TOP2B: variants seen among roughly 807,000 people sequenced by gnomAD.
TOP2B encodes the protein DNA topoisomerase II beta.
A neutral mutation model predicts 193.5 loss-of-function variants in TOP2B; 51 were observed. The ratio of observed to expected loss-of-function variants is 0.26; its 90% CI spans 0.21 to 0.33. TOP2B has a LOEUF of 0.33. Among genes scored for constraint, TOP2B ranks in the 10% least tolerant of loss-of-function variants. The pLI is 1.00. For missense variants in TOP2B, 1,378 were observed against 1,909.3 expected (o/e 0.72, Z 5.19); for synonymous variants, 634 against 635.7 (o/e 1.00, Z 0.04).
chr3:25,640,602 G>A (rs1356815540), intron 4 of TOP2B, among the ~76,000 whole-genome samples: 7 of 151,980 alleles, frequency 4.6e-5, no homozygotes, highest in Admixed American at 2.6e-4. Flanking sequence ...ATTAAAAACA[G>A]AGTATAAAAT....
At chr3:25,608,785 G>A (rs1016578022) in intron 30 of TOP2B, among the ~76,000 whole-genome samples, 6 of 152,132 alleles carry the variant, frequency 3.9e-5, no homozygotes, top group African/African-American at 1.4e-4. Flanking sequence ...ATCTAAAAGA[G>A]AGCTATGTAC....
chr3:25,636,966 C>T lies in TOP2B; in HGVS notation c.639+249G>A, dbSNP rs570502003. On this transcript the variant is annotated intron_variant, in intron 6 of 35. Transcript: ENST00000264331. ...GAGGTTCAGGACATTTTCACTAATACTTAACTAAGTTAAATAAAGTCTGTT... is the reference window on the plus strand; with the variant it reads ...GAGGTTCAGGACATTTTCACTAATATTTAACTAAGTTAAATAAAGTCTGTT... 1.1e-4 allele frequency among the ~76,000 whole-genome samples: 16 copies of T among 152,024 alleles called. No individual in the cohort carries two copies. In the East Asian group the frequency reaches 2.9e-3, roughly 27 times the overall value.
At chr3:25,621,583 A>C (rs550215236) in intron 21 of TOP2B, among the ~76,000 whole-genome samples, 84 of 151,684 alleles carry the variant, frequency 5.5e-4, no homozygotes, top group African/African-American at 1.9e-3. Context: ...CTGGTCTTCA[A>C]CTCCTGAGCT....
chr3:25,623,008 C>G (rs1281696558), intron 21 of TOP2B, among the ~76,000 whole-genome samples: 1 of 152,124 alleles, frequency 6.6e-6, no homozygotes, highest in Non-Finnish European at 1.5e-5. Flanking sequence ...GAACTCCTGA[C>G]CTCAGGTGAT....
chr3:25,643,555 G>A, intron 3 of TOP2B, 139 bp downstream of exon 3: 1 of 615,496 alleles, frequency 1.6e-6, no homozygotes, highest in Non-Finnish European at 2.9e-6. Flanking sequence ...TAAATTTTCT[G>A]AAGATCATTT....
At position 25,636,113 on chromosome 3, in the gene TOP2B, G is replaced by T; in HGVS notation, c.675C>A (p.Ala225=). The part of the protein sequence containing the change: ...WMNNMMKTSE[A]KIKHFDGEDY... ...CTTCACCATCAAAATGTTTAATTTT[G>T]GCTTCAGAAGTCTTCATCATATTAT... Residue 225 remains alanine, a synonymous_variant, in exon 7 of 36, where the codon GCC becomes GCA. Transcript: ENST00000264331. The T allele has an allele frequency of 6.2e-7, 1 of 1,602,086 alleles. No individual in the cohort carries two copies. The highest frequency in any genetic ancestry group is 1.1e-5 in the South Asian group (1 of 89,700).
At chr3:25,601,643 T>C (rs1053013611) in intron 33 of TOP2B, among the ~76,000 whole-genome samples, 1 of 152,088 alleles carries the variant, frequency 6.6e-6, no homozygotes, top group African/African-American at 2.4e-5. Context: ...CCTTAAATAA[T>C]GAAATGGTTT....
At chr3:25,599,798 T>C (rs182329156) in intron 34 of TOP2B, among the ~76,000 whole-genome samples, 1 of 152,374 alleles carries the variant, frequency 6.6e-6, no homozygotes, top group East Asian at 1.9e-4. Flanking sequence ...ACATAAAACA[T>C]TTGTATTTGC....
chr3:25,616,666 C>A (rs1358398077), intron 25 of TOP2B, among the ~76,000 whole-genome samples: 1 of 151,758 alleles, frequency 6.6e-6, no homozygotes. Flanking sequence ...TTGAAAAATT[C>A]TTCATGAAAC....
rs758862510 is a variant in TOP2B, at chr3:25,628,902, G to A, written c.1851C>T (p.Asp617=). ...GGTTTTCTATATGTTTTTTCCATTC[G>A]TCAAATTCAGGAATACTGTAGAAGG... ...ELSFYSIPEF[D]EWKKHIENQK... Residue 617 remains aspartate (D), a synonymous_variant, in exon 15 of 36, where the codon GAC becomes GAT. Coordinates refer to ENST00000264331, the MANE Select transcript of TOP2B (RefSeq NM_001330700.2). 35 of 1,596,034 alleles carry A rather than the reference G, an allele frequency of 2.2e-5. No individual in the cohort carries two copies. The highest frequency in any genetic ancestry group is 8.9e-5 in the Admixed American group (5 of 56,404).
intron 33 of TOP2B, among the ~76,000 whole-genome samples, chr3:25,602,410 G>A (rs4681068): frequency 0.39 from 34,595 of 88,218 alleles, 5,645 homozygotes; most frequent in African/African-American, 0.55. Flanking sequence ...AAAAAAAAAA[G>A]AAAAAGAAAA....
chr3:25,600,970 C>T (rs1418151885), intron 34 of TOP2B, 130 bp downstream of exon 34: 8 of 875,664 alleles, frequency 9.1e-6, no homozygotes, highest in African/African-American at 1.7e-5. Context: ...CCTAGACACA[C>T]TGCTTACTGA....
At chr3:25,630,985 AC>A (rs1406881053) in intron 10 of TOP2B, 46 bp from the exon 11 acceptor site, 1 of 1,519,072 alleles carries the variant, frequency 6.6e-7, no homozygotes, top group Non-Finnish European at 8.8e-7. Flanking sequence ...GAAAATTCAT[AC>A]ATTTAGCTAA....
In TOP2B at chr3:25,602,419, A is replaced by G. The variant is rs1372716539; in HGVS notation, c.4490-1194T>C. 4.0e-3 allele frequency among the ~76,000 whole-genome samples: 512 copies of G among 127,354 alleles called. 1 individual carries two copies. Among genetic ancestry groups the G allele is most frequent in the Non-Finnish European group, 6.6e-3 (363 of 54,666 alleles). The allele number at this position is 127,354 out of a possible 152,430, so 83.5% of individuals were successfully genotyped here. A position where few individuals can be genotyped will look rare whatever the true frequency, so the allele number is the denominator to read the frequency against. Reference sequence around the variant, plus strand: ...CTCAAAAAAAAAAAAAGAAAAAGAAAAAAAAAAAACTGATAAATCACTTTT... The same window carrying G: ...CTCAAAAAAAAAAAAAGAAAAAGAAGAAAAAAAAACTGATAAATCACTTTT... On this transcript the variant is annotated intron_variant, in intron 33 of 35. Coordinates refer to ENST00000264331, the MANE Select transcript of TOP2B (RefSeq NM_001330700.2).
At chr3:25,613,160 T>A (rs58253375) in intron 27 of TOP2B, among the ~76,000 whole-genome samples, 1,954 of 152,178 alleles carry the variant, frequency 0.013, 42 homozygotes, top group African/African-American at 0.043. Context: ...AGTCAGAAAG[T>A]ATGAGAAGTT....
chr3:25,634,789 A>AC (rs1703056330), intron 7 of TOP2B, among the ~76,000 whole-genome samples: 1 of 143,892 alleles, frequency 6.9e-6, no homozygotes. Context: ...AAAAAAAAAA[A>AC]AAAAAAAACC....
intron 35 of TOP2B, 68 bp from the exon 36 acceptor site, chr3:25,598,545 T>C (rs1273838593): frequency 1.6e-6 from 2 of 1,228,740 alleles, no homozygotes; most frequent in Middle Eastern, 2.0e-4. Context: ...GAACTATCAC[T>C]CCTTAAACTT....
chr3:25,601,368 A>G, intron 33 of TOP2B, 143 bp from the exon 34 acceptor site: 1 of 1,038,922 alleles, frequency 9.6e-7, no homozygotes, highest in Non-Finnish European at 1.4e-6. Context: ...CTGTAATGCC[A>G]GCACTCTGGG....
chr3:25,618,693 G>A lies in TOP2B; in HGVS notation c.3220C>T (p.Arg1074Cys), dbSNP rs766255221. 1.1e-5 allele frequency: 18 copies of A among 1,612,488 alleles called. 1 individual carries two copies. The highest frequency in any genetic ancestry group is 1.1e-4 in the South Asian group (10 of 90,884). The change falls in exon 24 of 36, where the codon CGT (arginine) becomes TGT (cysteine). Residue 1074 changes from arginine to cysteine, a missense_variant. Physicochemically the swap from Arg to Cys is radical, Grantham distance 180. Around this residue, in one of 9 missense-constraint regions of TOP2B, gnomAD observed 379 missense variants for 615.1 expected, o/e 0.62. Coordinates refer to ENST00000264331, the MANE Select transcript of TOP2B (RefSeq NM_001330700.2). ...AESTKLNNQA[R>C]FILEKIQGKI... The stretch of plus-strand genomic sequence containing the variant: ...CCTTGTATCTTCTCTAAAATGAAAC[G>A]GGCTTGATTGTTAAGCTTTGTAGAT...
Sources: allele counts gnomAD v4.1 joint callset (sites outside exome capture counted in the v4.1 genomes callset), GRCh38; gene constraint gnomAD v4.1.1; regional missense constraint gnomAD v4.1.1; transcripts MANE v1.5; gene names NCBI Gene and HGNC (gene_info 2026-07-23, HGNC 2026-07-21).